Variants in ERBB4 observed in about 807,000 individuals in gnomAD.
ERBB4 encodes the protein erb-b2 receptor tyrosine kinase 4, also known as receptor tyrosine-protein kinase erbB-4.
ERBB4 carries 42 observed loss-of-function variants against 158.0 expected under a neutral mutation model. That is an observed-to-expected ratio of 0.27 (90% confidence interval 0.21 to 0.34). ERBB4 has a LOEUF of 0.34. ERBB4 is among the 10% of genes least tolerant of loss of function. ERBB4 has a pLI of 1.00. For synonymous variants in ERBB4, 583 were observed against 558.7 expected (o/e 1.04, Z -0.61); for missense variants, 1,333 against 1,624.1 (o/e 0.82, Z 3.08).
At chr2:211,979,553 T>C (rs2081731733) in intron 2 of ERBB4, among the ~76,000 whole-genome samples, 1 of 152,188 alleles carries the variant, frequency 6.6e-6, no homozygotes, top group Admixed American at 6.5e-5. Context: ...GTATTTATTT[T>C]CAATAGGTAT....
At chr2:212,050,810 T>C (rs1310239550) in intron 2 of ERBB4, among the ~76,000 whole-genome samples, 2 of 152,176 alleles carry the variant, frequency 1.3e-5, no homozygotes, top group Non-Finnish European at 2.9e-5. Flanking sequence ...AAGAACCGAA[T>C]ACTTGTTTTT....
At chr2:211,769,524 A>T (rs1312127970) in intron 4 of ERBB4, among the ~76,000 whole-genome samples, 1 of 152,224 alleles carries the variant, frequency 6.6e-6, no homozygotes, top group Non-Finnish European at 1.5e-5. Context: ...TATGAAGGAA[A>T]ATTGACTCAC....
At chr2:211,405,480 C>G (rs2063128168) in intron 25 of ERBB4, among the ~76,000 whole-genome samples, 1 of 152,148 alleles carries the variant, frequency 6.6e-6, no homozygotes, top group Non-Finnish European at 1.5e-5. Context: ...AGAGTTTTCT[C>G]CACCTATCCC....
At chr2:211,472,204 TAAGAG>T (rs1280814471) in intron 20 of ERBB4, among the ~76,000 whole-genome samples, 2 of 151,884 alleles carry the variant, frequency 1.3e-5, no homozygotes. Flanking sequence ...TAAGGAATGT[TAAGAG>T]GGAAGGAAAA....
chr2:212,122,161 T>C (rs2079774196), intron 2 of ERBB4, among the ~76,000 whole-genome samples: 1 of 151,750 alleles, frequency 6.6e-6, no homozygotes, highest in South Asian at 2.1e-4. Flanking sequence ...CAAACACATA[T>C]ATGTAATATG....
chr2:212,162,590 C>A (rs902403640), intron 1 of ERBB4, among the ~76,000 whole-genome samples: 11 of 151,728 alleles, frequency 7.2e-5, no homozygotes, highest in Non-Finnish European at 1.6e-4. Context: ...ATGCTGTAAT[C>A]AGATACTGAA....
At chr2:212,334,142 A>G (rs1221134158) in intron 1 of ERBB4, among the ~76,000 whole-genome samples, 1 of 152,052 alleles carries the variant, frequency 6.6e-6, no homozygotes, top group Non-Finnish European at 1.5e-5. Flanking sequence ...CTCTAAGTGA[A>G]TTGATGATAA....
At chr2:212,348,637 T>C (rs1237670924) in intron 1 of ERBB4, among the ~76,000 whole-genome samples, 2 of 149,720 alleles carry the variant, frequency 1.3e-5, no homozygotes, top group Non-Finnish European at 3.0e-5. Flanking sequence ...AACATCTAAA[T>C]TCAGTGGACA....
At chr2:212,241,378 A>C (rs1339650622) in intron 1 of ERBB4, among the ~76,000 whole-genome samples, 2 of 152,346 alleles carry the variant, frequency 1.3e-5, no homozygotes, top group East Asian at 3.9e-4. Flanking sequence ...TATATATAAC[A>C]TCATCAAAAT....
intron 20 of ERBB4, among the ~76,000 whole-genome samples, chr2:211,545,805 A>G (rs2066926448): frequency 6.6e-6 from 1 of 152,090 alleles, no homozygotes; most frequent in African/African-American, 2.4e-5. Context: ...TTGTCAAGGC[A>G]GGGAGCATTG....
At position 211,382,965 on chromosome 2, in the gene ERBB4, G is replaced by C. The variant is rs1387063695; in HGVS notation, c.*650C>G. ...GGAATCGGTCAGAGCAAAACAAAAT[G>C]AAAAAAACCAAAAAGTGTTGAAAAC... On this transcript the variant is annotated 3_prime_UTR_variant, in exon 28 of 28. Transcript: ENST00000342788. 1 of 232,036 alleles carries C rather than the reference G, an allele frequency of 4.3e-6. No individual in the cohort carries two copies. Among genetic ancestry groups the C allele is most frequent in the Non-Finnish European group, 8.5e-6 (1 of 117,636 alleles). The allele number at this position is 232,036 out of a possible 1,614,324, so 14.4% of individuals were successfully genotyped here. A position where few individuals can be genotyped will look rare whatever the true frequency, so the allele number is the denominator to read the frequency against.
At chr2:212,275,944 G>T (rs1398022907) in intron 1 of ERBB4, among the ~76,000 whole-genome samples, 1 of 151,702 alleles carries the variant, frequency 6.6e-6, no homozygotes, top group African/African-American at 2.4e-5. Flanking sequence ...GTATTTCTAG[G>T]CTATACAGAT....
Position 212,055,626 on chromosome 2 carries a change from T to G in ERBB4, c.234+69126A>C, listed in dbSNP as rs745780909. On this transcript the variant is annotated intron_variant, in intron 2 of 27. Transcript: ENST00000342788. ...AGCAACGTTTGCTGTTCAGCAATAT[T>G]TGCTGTTCTGCAGCCACCACTGCTG... Among the ~76,000 whole-genome samples, 46 of 152,336 alleles carry G rather than the reference T, an allele frequency of 3.0e-4. 1 individual carries two copies. The highest frequency in any genetic ancestry group is 5.1e-4 in the Non-Finnish European group (35 of 68,016).
intron 2 of ERBB4, among the ~76,000 whole-genome samples, chr2:211,972,416 G>A (rs1098061): frequency 0.9 from 137,726 of 152,216 alleles, 63,262 homozygotes; most frequent in East Asian, 1. Flanking sequence ...TAAAATGCAT[G>A]TGGAACCAAA....
intron 1 of ERBB4, among the ~76,000 whole-genome samples, chr2:212,131,582 C>T (rs922852672): frequency 6.6e-6 from 1 of 152,088 alleles, no homozygotes; most frequent in African/African-American, 2.4e-5. Flanking sequence ...AATCAACAGG[C>T]AAAGAAAGGA....
chr2:212,514,526 G>A (rs1364450848), intron 1 of ERBB4, among the ~76,000 whole-genome samples: 1 of 152,090 alleles, frequency 6.6e-6, no homozygotes, highest in East Asian at 1.9e-4. Context: ...TCATTGCTAG[G>A]CTGGGCACGG....
At chr2:212,343,614 C>T (rs1177923783) in intron 1 of ERBB4, among the ~76,000 whole-genome samples, 1 of 152,100 alleles carries the variant, frequency 6.6e-6, no homozygotes, top group Non-Finnish European at 1.5e-5. Flanking sequence ...AAATCCCAGT[C>T]ATCTTATTCT....
chr2:212,524,930 G>A (rs571211722), intron 1 of ERBB4, among the ~76,000 whole-genome samples: 2 of 152,132 alleles, frequency 1.3e-5, no homozygotes, highest in Admixed American at 1.3e-4. Flanking sequence ...TGCCAGAGAA[G>A]AGATATGAAG....
intron 20 of ERBB4, among the ~76,000 whole-genome samples, chr2:211,484,918 G>A (rs961378956): frequency 6.6e-6 from 1 of 152,184 alleles, no homozygotes; most frequent in African/African-American, 2.4e-5. Flanking sequence ...AAGTTGAACA[G>A]TCCAGCAGTG....
Sources: allele counts gnomAD v4.1 joint callset (sites outside exome capture counted in the v4.1 genomes callset), GRCh38; gene constraint gnomAD v4.1.1; transcripts MANE v1.5; gene names NCBI Gene and HGNC (gene_info 2026-07-23, HGNC 2026-07-21).